MACROD2: variants seen among roughly 807,000 people sequenced by gnomAD.
MACROD2 encodes ADP-ribose glycohydrolase MACROD2.
MACROD2 carries 36 observed loss-of-function variants against 70.4 expected under a neutral mutation model. The ratio of observed to expected loss-of-function variants is 0.51; its 90% CI spans 0.39 to 0.68. MACROD2 has a LOEUF of 0.68. MACROD2 is among the 30% of genes least tolerant of loss of function. The pLI, the probability that MACROD2 is intolerant of heterozygous loss-of-function variation, is 0.00. For missense variants in MACROD2, 496 were observed against 538.4 expected (o/e 0.92, Z 0.78); for synonymous variants, 172 against 178.8 (o/e 0.96, Z 0.30).
chr20:15,006,603 G>T (rs1420153800), intron 5 of MACROD2, among the ~76,000 whole-genome samples: 1 of 151,948 alleles, frequency 6.6e-6, no homozygotes, highest in African/African-American at 2.4e-5. Flanking sequence ...TGTATACCTT[G>T]CATATATATA....
chr20:14,154,645 C>G (rs1343753982), intron 3 of MACROD2, among the ~76,000 whole-genome samples: 2 of 151,160 alleles, frequency 1.3e-5, no homozygotes, highest in Non-Finnish European at 2.9e-5. Flanking sequence ...ACCTCTTGAC[C>G]TCGTGATCCG....
chr20:14,637,975 A>T (rs1290873823), intron 4 of MACROD2, among the ~76,000 whole-genome samples: 1 of 151,412 alleles, frequency 6.6e-6, no homozygotes, highest in Non-Finnish European at 1.5e-5. Context: ...TCCAGTTGTG[A>T]TTTTCTATAA....
intron 7 of MACROD2, among the ~76,000 whole-genome samples, chr20:15,489,114 T>C (rs2047196631): frequency 6.6e-6 from 1 of 152,194 alleles, no homozygotes; most frequent in African/African-American, 2.4e-5. Context: ...GAAAACTTCA[T>C]GTTTTGCAGT....
At chr20:15,486,863 C>T (rs1333096322) in intron 7 of MACROD2, among the ~76,000 whole-genome samples, 1 of 152,180 alleles carries the variant, frequency 6.6e-6, no homozygotes, top group East Asian at 1.9e-4. Flanking sequence ...TTCCGCATTA[C>T]AAACAACCTC....
At chr20:15,195,275 A>G (rs1235202681) in intron 5 of MACROD2, among the ~76,000 whole-genome samples, 1 of 152,230 alleles carries the variant, frequency 6.6e-6, no homozygotes, top group Non-Finnish European at 1.5e-5. Context: ...AGCAAAAGAA[A>G]CTATGATCAG....
intron 2 of MACROD2, among the ~76,000 whole-genome samples, chr20:14,006,719 T>G (rs1263517449): frequency 6.6e-6 from 1 of 152,184 alleles, no homozygotes; most frequent in Non-Finnish European, 1.5e-5. Flanking sequence ...TTCTCTGTCC[T>G]TTTTTCCTTC....
intron 6 of MACROD2, among the ~76,000 whole-genome samples, chr20:15,370,563 A>G (rs927459891): frequency 3.9e-5 from 6 of 152,212 alleles, no homozygotes; most frequent in African/African-American, 4.8e-5. Flanking sequence ...AAAAATTGCA[A>G]TGTCATTAAA....
At chr20:13,996,018 C>G (rs879560749) in intron 1 of MACROD2, among the ~76,000 whole-genome samples, 3 of 152,170 alleles carry the variant, frequency 2.0e-5, no homozygotes, top group Non-Finnish European at 4.4e-5. Flanking sequence ...ACCTGCAGCT[C>G]GCGCACGTGT....
chr20:14,982,862 A>T (rs2074814052), intron 5 of MACROD2, among the ~76,000 whole-genome samples: 1 of 152,082 alleles, frequency 6.6e-6, no homozygotes, highest in Non-Finnish European at 1.5e-5. Context: ...TGCCTAGTGG[A>T]GCTGTGAGAA....
At chr20:14,369,684 C>T (rs754020349) in intron 3 of MACROD2, among the ~76,000 whole-genome samples, 2 of 152,048 alleles carry the variant, frequency 1.3e-5, no homozygotes, top group African/African-American at 2.4e-5. Context: ...GTGCACTGTC[C>T]GTTGAATACT....
intron 4 of MACROD2, among the ~76,000 whole-genome samples, chr20:14,653,293 A>C (rs1034641042): frequency 6.9e-6 from 1 of 144,774 alleles, no homozygotes; most frequent in African/African-American, 2.6e-5. Flanking sequence ...ATCTTGGCTC[A>C]CTGCAAGCTC....
At chr20:14,516,613 G>T (rs1207814537) in intron 4 of MACROD2, among the ~76,000 whole-genome samples, 1 of 152,120 alleles carries the variant, frequency 6.6e-6, no homozygotes, top group African/African-American at 2.4e-5. Flanking sequence ...GATGGTTGTA[G>T]ATGTGTGGTG....
intron 10 of MACROD2, among the ~76,000 whole-genome samples, chr20:15,916,794 A>G (rs2065323258): frequency 6.6e-6 from 1 of 152,222 alleles, no homozygotes; most frequent in African/African-American, 2.4e-5. Context: ...TTAACAGAGG[A>G]TCAAGCCAAT....
At chr20:15,108,192 A>G (rs1014513406) in intron 5 of MACROD2, among the ~76,000 whole-genome samples, 1 of 152,074 alleles carries the variant, frequency 6.6e-6, no homozygotes, top group Admixed American at 6.6e-5. Context: ...CTGATAAGTT[A>G]TGGTGACATT....
At chr20:14,902,747 C>T (rs2073911245) in intron 5 of MACROD2, among the ~76,000 whole-genome samples, 1 of 152,002 alleles carries the variant, frequency 6.6e-6, no homozygotes, top group Admixed American at 6.6e-5. Context: ...TCTAAAAAGC[C>T]TATCTAAAAG....
intron 4 of MACROD2, among the ~76,000 whole-genome samples, chr20:14,657,000 C>G: frequency 6.6e-6 from 1 of 152,086 alleles, no homozygotes; most frequent in East Asian, 1.9e-4. Flanking sequence ...GTGATATACT[C>G]TCTCCCACAC....
chr20:14,283,974 G>T (rs2082325695), intron 3 of MACROD2, among the ~76,000 whole-genome samples: 1 of 152,194 alleles, frequency 6.6e-6, no homozygotes, highest in Non-Finnish European at 1.5e-5. Flanking sequence ...AAGCATTTAT[G>T]TAATTTGGGA....
intron 2 of MACROD2, among the ~76,000 whole-genome samples, chr20:14,067,632 TTAAC>T (rs1430362815): frequency 1.3e-5 from 2 of 152,210 alleles, no homozygotes; most frequent in East Asian, 1.9e-4. Flanking sequence ...TCACAATTTT[TTAAC>T]TAAATTGTTT....
In MACROD2 at chr20:15,489,093, C is replaced by T. The variant is rs569980462; in HGVS notation, c.572-10681C>T. Among the ~76,000 whole-genome samples the T allele has an allele frequency of 1.4e-4, 22 of 152,246 alleles. 1 individual carries two copies. In the South Asian group the frequency reaches 4.1e-3, roughly 29 times the overall value. ...CCTGTTTTGCAGAGCAGAGGAAACA[C>T]AACTTGAAAGGAAAACTTCATGTTT... On this transcript the variant is annotated intron_variant, in intron 7 of 17. Transcript: ENST00000684519.
Sources: allele counts gnomAD v4.1 joint callset (sites outside exome capture counted in the v4.1 genomes callset), GRCh38; gene constraint gnomAD v4.1.1; transcripts MANE v1.5; gene names NCBI Gene and HGNC (gene_info 2026-07-23, HGNC 2026-07-21).